Variants in COL7A1 observed in about 807,000 individuals in gnomAD.
COL7A1 encodes collagen type VII alpha 1 chain.
A neutral mutation model predicts 456.2 loss-of-function variants in COL7A1; 296 were observed. That is an observed-to-expected ratio of 0.65 (90% CI 0.59 to 0.71). The LOEUF is 0.71. Among genes scored for constraint, COL7A1 ranks in the 30% least tolerant of loss-of-function variants. The pLI is 0.00. For synonymous variants in COL7A1, 1,464 were observed against 1,525.9 expected (o/e 0.96, Z 0.95); for missense variants, 3,441 against 4,017.2 (o/e 0.86, Z 3.88).
Position 48,574,577 on chromosome 3 carries a change from C to A in COL7A1, c.6394-27G>T. 3 of 1,613,824 alleles carry A rather than the reference C, an allele frequency of 1.9e-6. No individual in the cohort carries two copies. Among genetic ancestry groups the A allele is most frequent in the Non-Finnish European group, 2.5e-6 (3 of 1,180,012 alleles). The stretch of plus-strand genomic sequence containing the variant: ...TGAAGGCAGAGTGTCGTGCCCTGAG[C>A]CCCCAGTCCCTGCCACGTGCCCAGG... On this transcript the variant is annotated intron_variant, in intron 78 of 118. Coordinates refer to ENST00000681320, the MANE Select transcript of COL7A1 (RefSeq NM_000094.4). This position sits in a 1 kb window ranked among gnomAD's most constrained non-coding sequence, Gnocchi z 5.0.
In COL7A1 at chr3:48,568,461, G is replaced by A; in HGVS notation, c.7794+38C>T. 6.3e-7 allele frequency: 1 copy of A among 1,579,960 alleles called. No homozygotes were observed. The stretch of plus-strand genomic sequence containing the variant: ...ACCACCATGGTGACGGGGGCCCTCT[G>A]GGGACAGGGGGCCCCTGTGGGAGCA... On this transcript the variant is annotated intron_variant, in intron 105 of 118. Coordinates refer to ENST00000681320, the MANE Select transcript of COL7A1 (RefSeq NM_000094.4). This position sits in a 1 kb window ranked among gnomAD's most constrained non-coding sequence, Gnocchi z 5.2.
chr3:48,580,982 A>T lies in COL7A1; in HGVS notation c.4936-56T>A. ...AGGGCAGTCAGGATCTAACTCACTCAGGGAGAGGGGACAGAGAAGGGTCTG... is the reference window on the plus strand; with the variant it reads ...AGGGCAGTCAGGATCTAACTCACTCTGGGAGAGGGGACAGAGAAGGGTCTG... On this transcript the variant is annotated intron_variant, in intron 53 of 118. Coordinates refer to ENST00000681320, the MANE Select transcript of COL7A1 (RefSeq NM_000094.4). The surrounding 1 kb of genome is among the most constrained non-coding windows in gnomAD (Gnocchi z 4.5). The T allele has an allele frequency of 6.2e-7, 1 of 1,609,916 alleles. No homozygotes were observed. Among genetic ancestry groups the T allele is most frequent in the Non-Finnish European group, 8.5e-7 (1 of 1,176,966 alleles).
intron 67 of COL7A1, 29 bp downstream of exon 67, chr3:48,576,855 C>T: frequency 1.2e-6 from 2 of 1,614,060 alleles, no homozygotes; most frequent in South Asian, 2.2e-5. Context: ...GGTCAGGGGT[C>T]AGAGGTTGCA....
chr3:48,574,229 A>G lies in COL7A1; in HGVS notation c.6501+33T>C, dbSNP rs775195789. The stretch of plus-strand genomic sequence containing the variant: ...CAGCAGCACCTAGCGGAGGGTCCGG[A>G]GCCTGGGGCCAGGTGCTTCAGCCAC... On this transcript the variant is annotated intron_variant, in intron 80 of 118. Transcript: ENST00000681320. This position sits in a 1 kb window ranked among gnomAD's most constrained non-coding sequence, Gnocchi z 5.0. 1 of 1,613,594 alleles carries G rather than the reference A, an allele frequency of 6.2e-7. No homozygotes were observed. The highest frequency in any genetic ancestry group is 8.5e-7 in the Non-Finnish European group (1 of 1,179,828).
rs779304674 is a variant in COL7A1, at chr3:48,570,648, C to T, written c.7335G>A (p.Pro2445=). Reference sequence around the variant, plus strand: ...GGGCACCTCTACTCACCACTGACCCCGGTGGTCCAGGTGGCCCCAGGGGTC... The same window carrying T: ...GGGCACCTCTACTCACCACTGACCCTGGTGGTCCAGGTGGCCCCAGGGGTC... ...IPGPLGPPGP[P]GSVGPPGASG... Residue 2445 remains proline (P), a synonymous_variant, in exon 96 of 119, where the codon CCG becomes CCA. Transcript: ENST00000681320. This position sits in a 1 kb window ranked among gnomAD's most constrained non-coding sequence, Gnocchi z 5.5. The T allele has an allele frequency of 1.4e-5, 23 of 1,600,908 alleles. No individual in the cohort carries two copies. The highest frequency in any genetic ancestry group is 6.8e-5 in the Admixed American group (4 of 58,402).
Position 48,566,568 on chromosome 3 carries a change from G to A in COL7A1, c.8305-5C>T, listed in dbSNP as rs888419151. 2.5e-6 allele frequency: 4 copies of A among 1,614,108 alleles called. No homozygotes were observed. The highest frequency in any genetic ancestry group is 3.4e-6 in the Non-Finnish European group (4 of 1,180,016). On this transcript the variant is annotated splice_polypyrimidine_tract_variant and splice_region_variant and intron_variant, in intron 112 of 118. Coordinates refer to ENST00000681320, the MANE Select transcript of COL7A1 (RefSeq NM_000094.4). This position sits in a 1 kb window ranked among gnomAD's most constrained non-coding sequence, Gnocchi z 5.9. ...ACCGGCAGGCCCTGGCCGCCCCTAT[G>A]TGCAACAGATGGGACCAGGCTGTGA...
In COL7A1 at chr3:48,574,106, C is replaced by T. The variant is rs949900209; in HGVS notation, c.6501+156G>A. ...ACACAGACACAGGCACACACAGGCACACACAGACACAGGCACACACAAGCA... is the reference window on the plus strand; with the variant it reads ...ACACAGACACAGGCACACACAGGCATACACAGACACAGGCACACACAAGCA... On this transcript the variant is annotated intron_variant, in intron 80 of 118. Coordinates refer to ENST00000681320, the MANE Select transcript of COL7A1 (RefSeq NM_000094.4). The surrounding 1 kb of genome is among the most constrained non-coding windows in gnomAD (Gnocchi z 5.0). Among the ~76,000 whole-genome samples, 3 of 151,816 alleles carry T rather than the reference C, an allele frequency of 2.0e-5. No homozygotes were observed. The highest frequency in any genetic ancestry group is 2.1e-4 in the South Asian group (1 of 4,806).
Position 48,574,009 on chromosome 3 carries a change from A to G in COL7A1, c.6502-119T>C, listed in dbSNP as rs2044112378. On this transcript the variant is annotated intron_variant, in intron 80 of 118. Coordinates refer to ENST00000681320, the MANE Select transcript of COL7A1 (RefSeq NM_000094.4). This position sits in a 1 kb window ranked among gnomAD's most constrained non-coding sequence, Gnocchi z 5.0. ...TACCTCACCCTTTCCAGTCACAGAT[A>G]ATACCTACCCATGGACTGCCTCTCA... The G allele has an allele frequency of 3.7e-6, 5 of 1,334,208 alleles. No homozygotes were observed. The highest frequency in any genetic ancestry group is 5.3e-6 in the Non-Finnish European group (5 of 952,138). 82.6% of individuals were successfully genotyped at this position (1,334,208 alleles called of 1,614,324 possible). A position where few individuals can be genotyped will look rare whatever the true frequency, so the allele number is the denominator to read the frequency against.
Position 48,585,010 on chromosome 3 carries a change from T to G in COL7A1, c.3975+26A>C, listed in dbSNP as rs759811848. 7 of 1,613,538 alleles carry G rather than the reference T, an allele frequency of 4.3e-6. No homozygotes were observed. The highest frequency in any genetic ancestry group is 5.1e-6 in the Non-Finnish European group (6 of 1,179,954). ...CCACCCACTCAGGCAGCGCCCACCC[T>G]GACCTGCAGGACAAGGCTTGCTCAC... On this transcript the variant is annotated intron_variant, in intron 33 of 118. Coordinates refer to ENST00000681320, the MANE Select transcript of COL7A1 (RefSeq NM_000094.4). The surrounding 1 kb of genome is among the most constrained non-coding windows in gnomAD (Gnocchi z 4.5).
rs530984694 is a variant in COL7A1, at chr3:48,567,367, T to A, written c.8047-177A>T. The A allele has an allele frequency of 1.4e-5, 13 of 924,424 alleles. No individual in the cohort carries two copies. The South Asian group carries it at 1.4e-4, about 10-fold the overall frequency. 57.3% of individuals were successfully genotyped at this position (924,424 alleles called of 1,614,324 possible). A position where few individuals can be genotyped will look rare whatever the true frequency, so the allele number is the denominator to read the frequency against. On this transcript the variant is annotated intron_variant, in intron 109 of 118. Coordinates refer to ENST00000681320, the MANE Select transcript of COL7A1 (RefSeq NM_000094.4). This position sits in a 1 kb window ranked among gnomAD's most constrained non-coding sequence, Gnocchi z 4.3. ...ACTCCACTATAGCCCCCTGCCCTGA[T>A]GCACATGCCCCCTCCACCTCCCATG...
In COL7A1 at chr3:48,593,230, C is replaced by G; in HGVS notation, c.554G>C (p.Arg185Pro). 1 of 1,614,136 alleles carries G rather than the reference C, an allele frequency of 6.2e-7. No individual in the cohort carries two copies. The highest frequency in any genetic ancestry group is 8.5e-7 in the Non-Finnish European group (1 of 1,180,026). ...IKNADPEELK[R>P]VASQPTSDFF... ...GTCACTGGTGGGCTGTGAGGCAACT[C>G]GCTTCAGCTCCTCAGGGTCAGCATT... Residue 185 changes from arginine to proline, a missense_variant, in exon 6 of 119, where the codon CGA becomes CCA. Arg to Pro is a moderately radical substitution (Grantham distance 103, BLOSUM62 -2). This residue lies in a region of COL7A1 where 913 missense variants were observed against 1,088.2 expected (regional missense o/e 0.84). Coordinates refer to ENST00000681320, the MANE Select transcript of COL7A1 (RefSeq NM_000094.4). The surrounding 1 kb of genome is among the most constrained non-coding windows in gnomAD (Gnocchi z 4.4).
Position 48,568,374 on chromosome 3 carries a change from G to T in COL7A1, c.7794+125C>A. ...ACTGTGGAGGTGGGGGACCCTGGGT[G>T]ACATGAGGACACCATGAGAGCACTG... On this transcript the variant is annotated intron_variant, in intron 105 of 118. Coordinates refer to ENST00000681320, the MANE Select transcript of COL7A1 (RefSeq NM_000094.4). This position sits in a 1 kb window ranked among gnomAD's most constrained non-coding sequence, Gnocchi z 5.2. The T allele has an allele frequency of 9.0e-7, 1 of 1,109,512 alleles. No homozygotes were observed. Among genetic ancestry groups the T allele is most frequent in the Non-Finnish European group, 1.3e-6 (1 of 750,878 alleles). The allele number at this position is 1,109,512 out of a possible 1,614,324, so 68.7% of individuals were successfully genotyped here.
rs2045775449 is a variant in COL7A1, at chr3:48,592,502, A to G, written c.977-35T>C. 6.2e-7 allele frequency: 1 copy of G among 1,612,004 alleles called. No individual in the cohort carries two copies. Among genetic ancestry groups the G allele is most frequent in the African/African-American group, 1.3e-5 (1 of 74,860 alleles). On this transcript the variant is annotated intron_variant, in intron 8 of 118. Transcript: ENST00000681320. The surrounding 1 kb of genome is among the most constrained non-coding windows in gnomAD (Gnocchi z 7.6). ...AGTCCCACCAGGGATTCATGGAGTC[A>G]GAAGTGGGAGGGGGTACTGGGGTCG...
In COL7A1 at chr3:48,589,061, G is replaced by A. The variant is rs183304904; in HGVS notation, c.2315-66C>T. 86 of 1,608,294 alleles carry A rather than the reference G, an allele frequency of 5.3e-5. No individual in the cohort carries two copies. The East Asian group carries it at 7.8e-4, about 15-fold the overall frequency. On this transcript the variant is annotated intron_variant, in intron 18 of 118. Transcript: ENST00000681320. ...GAGAGGCAGTGCAGGAATGGTTGAC[G>A]CAGGGGTGATCTGAAAGTCAGTGTG...
In COL7A1 at chr3:48,594,597, C is replaced by T. The variant is rs1353442903; in HGVS notation, c.86-49G>A. 7.8e-6 allele frequency: 12 copies of T among 1,533,462 alleles called. No homozygotes were observed. The highest frequency in any genetic ancestry group is 1.1e-5 in the Non-Finnish European group (12 of 1,141,154). The allele number at this position is 1,533,462 out of a possible 1,614,324, so 95.0% of individuals were successfully genotyped here. ...GGCCTCTTCTGGGAGGCCAACCACC[C>T]GCCTACCCGCACGGTGGCCTCACTG... is the stretch of plus-strand genomic sequence containing the variant. On this transcript the variant is annotated intron_variant, in intron 2 of 118. Transcript: ENST00000681320. This position sits in a 1 kb window ranked among gnomAD's most constrained non-coding sequence, Gnocchi z 5.5.
At position 48,590,431 on chromosome 3, in the gene COL7A1, G is replaced by A; in HGVS notation, c.1906+28C>T. On this transcript the variant is annotated intron_variant, in intron 15 of 118. Coordinates refer to ENST00000681320, the MANE Select transcript of COL7A1 (RefSeq NM_000094.4). The surrounding 1 kb of genome is among the most constrained non-coding windows in gnomAD (Gnocchi z 4.6). ...ACCCATACCCTCATTGGTCCCTTTG[G>A]CAGTCCCCCCACACACCCCACACTG... 6.2e-7 allele frequency: 1 copy of A among 1,614,048 alleles called. No homozygotes were observed. Among genetic ancestry groups the A allele is most frequent in the Non-Finnish European group, 8.5e-7 (1 of 1,180,012 alleles).
chr3:48,564,294 C>A lies in COL7A1; in HGVS notation c.*112G>T. 2 of 1,304,652 alleles carry A rather than the reference C, an allele frequency of 1.5e-6. No individual in the cohort carries two copies. The highest frequency in any genetic ancestry group is 2.2e-6 in the Non-Finnish European group (2 of 905,000). The allele number at this position is 1,304,652 out of a possible 1,614,324, so 80.8% of individuals were successfully genotyped here. Reference sequence around the variant, plus strand: ...AAGTCACTGAAATAACGGACGTGCACACGCACGCTCACGTGCACACAAGCC... The same window carrying A: ...AAGTCACTGAAATAACGGACGTGCAAACGCACGCTCACGTGCACACAAGCC... On this transcript the variant is annotated 3_prime_UTR_variant, in exon 119 of 119. Transcript: ENST00000681320. This position sits in a 1 kb window ranked among gnomAD's most constrained non-coding sequence, Gnocchi z 6.0.
Position 48,575,185 on chromosome 3 carries a change from C to T in COL7A1, c.6216+22G>A, listed in dbSNP as rs1232721258. The T allele has an allele frequency of 1.2e-6, 2 of 1,614,000 alleles. No homozygotes were observed. The highest frequency in any genetic ancestry group is 1.7e-6 in the Non-Finnish European group (2 of 1,179,984). ...AGCACAGCCTCCAGACAGCCTGCCC[C>T]ACGAAGCCCATCGCAGCCCACCTGT... On this transcript the variant is annotated intron_variant, in intron 75 of 118. Coordinates refer to ENST00000681320, the MANE Select transcript of COL7A1 (RefSeq NM_000094.4). This position sits in a 1 kb window ranked among gnomAD's most constrained non-coding sequence, Gnocchi z 6.3.
Position 48,576,299 on chromosome 3 carries a change from G to A in COL7A1, c.5773-3C>T. Reference sequence around the variant, plus strand: ...AGGCCACGCTCTCCAGGGAGGCCCTGGAGAGATGAAGACAAACTGCTAGGA... The same window carrying A: ...AGGCCACGCTCTCCAGGGAGGCCCTAGAGAGATGAAGACAAACTGCTAGGA... On this transcript the variant is annotated splice_region_variant and splice_polypyrimidine_tract_variant and intron_variant, in intron 70 of 118. Transcript: ENST00000681320. 1 of 1,613,836 alleles carries A rather than the reference G, an allele frequency of 6.2e-7. No individual in the cohort carries two copies. The highest frequency in any genetic ancestry group is 8.5e-7 in the Non-Finnish European group (1 of 1,180,000).
Sources: allele counts gnomAD v4.1 joint callset (sites outside exome capture counted in the v4.1 genomes callset), GRCh38; gene constraint gnomAD v4.1.1; regional missense constraint gnomAD v4.1.1; non-coding constraint Gnocchi (gnomAD v3.1); transcripts MANE v1.5; gene names NCBI Gene and HGNC (gene_info 2026-07-23, HGNC 2026-07-21).